Variants in TNFRSF17 observed in about 807,000 individuals in gnomAD.
TNFRSF17 encodes tumor necrosis factor receptor superfamily member 17.
In TNFRSF17, 13 loss-of-function variants were observed where a neutral mutation model predicts 9.9. That is an observed-to-expected ratio of 1.31 (90% CI 0.85 to 2.08). TNFRSF17 has a LOEUF of 2.08. Ranked by LOEUF, TNFRSF17 falls within the 30% of genes most tolerant of loss-of-function variation. The probability of loss-of-function intolerance (pLI) is 0.00; values close to 1 mark genes in which losing one functional copy is unlikely to be tolerated. For synonymous variants in TNFRSF17, 99 were observed against 83.7 expected (o/e 1.18, Z -1.00); for missense variants, 305 against 225.8 (o/e 1.35, Z -2.25).
chr16:11,966,533 T>G (rs1014873965), intron 2 of TNFRSF17, among the ~76,000 whole-genome samples, 192 bp downstream of exon 2: 5 of 152,206 alleles, frequency 3.3e-5, no homozygotes, highest in Admixed American at 1.3e-4. Flanking sequence ...CTTGGCAGAT[T>G]TTCTACAATG....
intron 1 of TNFRSF17, 102 bp downstream of exon 1, chr16:11,965,556 T>C: frequency 4.8e-6 from 6 of 1,244,056 alleles, no homozygotes; most frequent in South Asian, 1.6e-5. Flanking sequence ...TGGTGAGTTT[T>C]CTTGAATCAA....
intron 2 of TNFRSF17, chr16:11,967,076 C>G (rs2055200342): frequency 4.4e-6 from 1 of 225,790 alleles, no homozygotes; most frequent in Non-Finnish European, 9.2e-6. Flanking sequence ...TCTCAACTCA[C>G]TGCAGCCTCT....
At chr16:11,967,398 T>C (rs140621666) in intron 2 of TNFRSF17, among the ~76,000 whole-genome samples, 172 bp from the exon 3 acceptor site, 66 of 152,260 alleles carry the variant, frequency 4.3e-4, no homozygotes, top group African/African-American at 1.5e-3. Flanking sequence ...CGTGGGAGGA[T>C]TGCTTGAGCC....
rs866127845 is a variant in TNFRSF17 at position 11,967,623 on chromosome 16, G to A, written c.331G>A (p.Asp111Asn). 6.2e-7 allele frequency: 1 copy of A among 1,614,222 alleles called. No individual in the cohort carries two copies. The highest frequency in any genetic ancestry group is 1.3e-5 in the African/African-American group (1 of 75,060). Residue 111 changes from aspartate (D) to asparagine (N), a missense_variant, in exon 3 of 3, where the codon GAT (aspartate) becomes AAT (asparagine). Physicochemically the swap from Asp to Asn is conservative, Grantham distance 23. Transcript: ENST00000053243. ...NIDLEKSRTGDEIILPRGLEY... is the reference protein window; with the variant it reads ...NIDLEKSRTGNEIILPRGLEY... ...TGACCTGGAAAAGAGCAGGACTGGT[G>A]ATGAAATTATTCTTCCGAGAGGCCT...
chr16:11,966,444 G>A (rs11570150), intron 2 of TNFRSF17, 103 bp downstream of exon 2: 12,829 of 1,208,622 alleles, frequency 0.011, 90 homozygotes, highest in Non-Finnish European at 0.012. Flanking sequence ...CTTCGTTACA[G>A]CCCTTTCGAA....
At chr16:11,966,369 C>T in intron 2 of TNFRSF17, 28 bp downstream of exon 2, 3 of 1,600,890 alleles carry the variant, frequency 1.9e-6, no homozygotes, top group South Asian at 2.2e-5. Flanking sequence ...TCTTTGAAAT[C>T]TATTTCCAGG....
rs373213400 is a variant in TNFRSF17 at position 11,966,340 on chromosome 16, A to G, written c.276A>G (p.Thr92=). 41 of 1,609,380 alleles carry G rather than the reference A, an allele frequency of 2.5e-5. No homozygotes were observed. The highest frequency in any genetic ancestry group is 3.2e-5 in the Non-Finnish European group (38 of 1,177,530). The change falls in exon 2 of 3, where the codon ACA becomes ACG. Residue 92 remains threonine (T), a splice_region_variant and synonymous_variant. Coordinates refer to ENST00000053243, the MANE Select transcript of TNFRSF17 (RefSeq NM_001192.3). ...CATTAAAGGACGAGTTTAAAAACAC[A>G]GGTTGGTTTGATGGTGAATCTTTGA... is the stretch of plus-strand genomic sequence containing the variant. The part of the protein sequence containing the change: ...SEPLKDEFKN[T]GSGLLGMANI...
chr16:11,968,057 T>TC lies in TNFRSF17; in HGVS notation c.*210_*211insC. 1 of 561,212 alleles carries TC rather than the reference T, an allele frequency of 1.8e-6. No homozygotes were observed. The highest frequency in any genetic ancestry group is 2.6e-5 in the South Asian group (1 of 39,100). 34.8% of individuals were successfully genotyped at this position (561,212 alleles called of 1,614,324 possible). A position where few individuals can be genotyped will look rare whatever the true frequency, so the allele number is the denominator to read the frequency against. ...TTCCTTGGTTTCATGATTAAACTCT[T>TC]TTTTTTCCTGACATCTAAGTTTTTA... On this transcript the variant is annotated 3_prime_UTR_variant, in exon 3 of 3. Transcript: ENST00000053243.
intron 2 of TNFRSF17, 53 bp from the exon 3 acceptor site, chr16:11,967,517 T>G: frequency 6.4e-7 from 1 of 1,566,502 alleles, no homozygotes; most frequent in South Asian, 1.2e-5. Context: ...AAGACTCTCA[T>G]GACCACATTC....
rs1934398195 is a variant in TNFRSF17, at chr16:11,965,302, T to A, written c.-23T>A. On this transcript the variant is annotated 5_prime_UTR_variant, in exon 1 of 3. Transcript: ENST00000053243. ...CCTTCCAGGCTGTTCTTTCTGTAGC[T>A]CCCTTGTTTTCTTTTTGTGATCATG... The A allele has an allele frequency of 1.2e-6, 2 of 1,613,872 alleles. No individual in the cohort carries two copies. The highest frequency in any genetic ancestry group is 1.7e-4 in the Middle Eastern group (1 of 6,058).
chr16:11,967,650 G>T lies in TNFRSF17; in HGVS notation c.358G>T (p.Glu120Ter). 1.2e-6 allele frequency: 2 copies of T among 1,614,146 alleles called. No homozygotes were observed. The highest frequency in any genetic ancestry group is 1.7e-6 in the Non-Finnish European group (2 of 1,180,026). ...GDEIILPRGL[E>*]YTVEECTCED... ...TGAAATTATTCTTCCGAGAGGCCTC[G>T]AGTACACGGTGGAAGAATGCACCTG... is the stretch of plus-strand genomic sequence containing the variant. The change falls in exon 3 of 3, where the codon GAG becomes TAG. Residue 120 changes from glutamate (E) to a stop codon, truncating the protein, a stop_gained. Transcript: ENST00000053243. LOFTEE classifies it low-confidence loss of function (END_TRUNC).
chr16:11,965,438 G>C lies in TNFRSF17; in HGVS notation c.114G>C (p.Gln38His), dbSNP rs774030022. Residue 38 changes from glutamine to histidine, a missense_variant, in exon 1 of 3, where the codon CAG becomes CAC. Transcript: ENST00000053243. ...CSSNTPPLTC[Q>H]RYCNASVTNS... ...CTAATACTCCTCCTCTAACATGTCAGCGTTATTGTAATGCAAGTAAGTAAT... is the reference window on the plus strand; with the variant it reads ...CTAATACTCCTCCTCTAACATGTCACCGTTATTGTAATGCAAGTAAGTAAT... 1 of 1,614,108 alleles carries C rather than the reference G, an allele frequency of 6.2e-7. No individual in the cohort carries two copies. Among genetic ancestry groups the C allele is most frequent in the Non-Finnish European group, 8.5e-7 (1 of 1,180,006 alleles).
At chr16:11,965,823 C>G (rs796100220) in intron 1 of TNFRSF17, among the ~76,000 whole-genome samples, 2 of 152,080 alleles carry the variant, frequency 1.3e-5, no homozygotes, top group East Asian at 1.9e-4. Context: ...TCAAGTATGA[C>G]AGCCGGGTGC....
intron 2 of TNFRSF17, 63 bp downstream of exon 2, chr16:11,966,404 C>T (rs1186300091): frequency 6.5e-7 from 1 of 1,527,316 alleles, no homozygotes; most frequent in Non-Finnish European, 8.9e-7. Context: ...AGTTTCAGTT[C>T]CTTTTCTTTT....
Position 11,965,217 on chromosome 16 carries a change from T to C in TNFRSF17, c.-108T>C. ...ACGAAGCAGGCGAAGTTCATTGTTC[T>C]CAACATTCTAGCTGCTCTTGCTGCA... On this transcript the variant is annotated 5_prime_UTR_variant, in exon 1 of 3. Transcript: ENST00000053243. The C allele has an allele frequency of 6.8e-7, 1 of 1,473,894 alleles. No individual in the cohort carries two copies. The highest frequency in any genetic ancestry group is 1.3e-5 in the South Asian group (1 of 78,526). 91.3% of individuals were successfully genotyped at this position (1,473,894 alleles called of 1,614,324 possible).
intron 1 of TNFRSF17, among the ~76,000 whole-genome samples, chr16:11,965,938 T>C (rs11075037): frequency 0.12 from 17,672 of 152,020 alleles, 1,504 homozygotes; most frequent in African/African-American, 0.21. Flanking sequence ...GGTGAAACCC[T>C]GTCTCTACTA....
At chr16:11,966,432 C>G in intron 2 of TNFRSF17, 91 bp downstream of exon 2, 2 of 1,298,402 alleles carry the variant, frequency 1.5e-6, no homozygotes, top group Middle Eastern at 2.3e-4. Context: ...TTGACTATTT[C>G]ACTTCGTTAC....
rs2055207971 is a variant in TNFRSF17, at chr16:11,967,822, T to G, written c.530T>G (p.Ile177Arg). Residue 177 changes from isoleucine to arginine, a missense_variant, in exon 3 of 3, where the codon ATA (isoleucine) becomes AGA (arginine). Ile to Arg is a moderately conservative substitution (Grantham distance 97). Coordinates refer to ENST00000053243, the MANE Select transcript of TNFRSF17 (RefSeq NM_001192.3). ...CCAGCTGCTTTGAGTGCTACGGAGA[T>G]AGAGAAATCAATTTCTGCTAGGTAA... ...SLPAALSATE[I>R]EKSISAR 1 of 1,613,842 alleles carries G rather than the reference T, an allele frequency of 6.2e-7. No homozygotes were observed. Among genetic ancestry groups the G allele is most frequent in the African/African-American group, 1.3e-5 (1 of 74,894 alleles).
At position 11,967,568 on chromosome 16, in the gene TNFRSF17, A is replaced by G; in HGVS notation, c.278-2A>G. 6.2e-7 allele frequency: 1 copy of G among 1,608,512 alleles called. No individual in the cohort carries two copies. The highest frequency in any genetic ancestry group is 8.5e-7 in the Non-Finnish European group (1 of 1,176,132). On this transcript the variant is annotated splice_acceptor_variant, in intron 2 of 2. Transcript: ENST00000053243. LOFTEE classifies it high-confidence loss of function. ...TTAATGTTTCCGTTTCTACATAATT[A>G]GGATCAGGTCTCCTGGGCATGGCTA...
Sources: gnomAD v4.1 joint callset for allele counts (sites outside exome capture counted in the v4.1 genomes callset) on GRCh38, gnomAD v4.1.1 for gene constraint, MANE v1.5 for transcripts, NCBI Gene and HGNC (gene_info 2026-07-23, HGNC 2026-07-21) for gene names.